The following PSMG2 variants were observed in gnomAD, a reference collection of about 807,000 sequenced individuals.
The protein encoded by PSMG2 is CD40 ligand-activated specific transcript 3.
In PSMG2, 21 loss-of-function variants were observed where a neutral mutation model predicts 31.5. That is an observed-to-expected ratio of 0.67 (90% CI 0.47 to 0.96). PSMG2 has a LOEUF of 0.96. Ranked by LOEUF, PSMG2 falls within the 40% of genes least tolerant of loss-of-function variation. The pLI is 0.00. For synonymous variants in PSMG2, 120 were observed against 110.4 expected (o/e 1.09, Z -0.54); for missense variants, 318 against 321.2 (o/e 0.99, Z 0.08).
chr18:12,705,564 AGAGAGAGAGAGAGT>A (rs1568039654), intron 1 of PSMG2, among the ~76,000 whole-genome samples: 1 of 127,020 alleles, frequency 7.9e-6, no homozygotes. Flanking sequence ...AGAGAGAGAG[AGAGAGAGAGAGAGT>A]GTGTGTGTGT....
At chr18:12,681,996 T>TAA (rs1163314226) in intron 1 of PSMG2, among the ~76,000 whole-genome samples, 1 of 136,208 alleles carries the variant, frequency 7.3e-6, no homozygotes, top group South Asian at 2.3e-4. Flanking sequence ...ACTCTGTCTC[T>TAA]AAAAAAAAAA....
At chr18:12,711,116 A>C (rs117195062) in intron 2 of PSMG2, among the ~76,000 whole-genome samples, 540 of 152,132 alleles carry the variant, frequency 3.5e-3, no homozygotes, top group Non-Finnish European at 6.4e-3. Context: ...CAAACAAAAA[A>C]CAAAAATTAG....
At chr18:12,666,454 T>G (rs1351984486) in intron 1 of PSMG2, among the ~76,000 whole-genome samples, 122 of 150,122 alleles carry the variant, frequency 8.1e-4, no homozygotes, top group African/African-American at 2.8e-3. Flanking sequence ...TTTTTTTTTT[T>G]TGTGAGGTAG....
chr18:12,673,908 C>T (rs1220006370), intron 1 of PSMG2, among the ~76,000 whole-genome samples: 2 of 151,892 alleles, frequency 1.3e-5, no homozygotes, highest in African/African-American at 2.4e-5. Context: ...ATAATTTTTT[C>T]AAATTCTGTC....
At chr18:12,666,897 T>C (rs752794406) in intron 1 of PSMG2, among the ~76,000 whole-genome samples, 2 of 152,198 alleles carry the variant, frequency 1.3e-5, no homozygotes, top group Non-Finnish European at 1.5e-5. Flanking sequence ...TCAGTTTTAT[T>C]AATATATTGA....
At chr18:12,669,457 A>C (rs532537224) in intron 1 of PSMG2, among the ~76,000 whole-genome samples, 1 of 151,956 alleles carries the variant, frequency 6.6e-6, no homozygotes. Context: ...TATGTTGACC[A>C]GGCTGTGCTC....
chr18:12,676,010 G>A lies in PSMG2; in HGVS notation c.-37+17237G>A, dbSNP rs114603362. Reference sequence around the variant, plus strand: ...ACACCAAAAGACCTATTGATATCTGGACACATGAAGTTAAAAATAATAATA... The same window carrying A: ...ACACCAAAAGACCTATTGATATCTGAACACATGAAGTTAAAAATAATAATA... On this transcript the variant is annotated intron_variant, in intron 1 of 6. Transcript: ENST00000585331. Among the ~76,000 whole-genome samples, 1,344 of 152,038 alleles carry A rather than the reference G, an allele frequency of 8.8e-3. 27 individuals are homozygous for A. Among genetic ancestry groups the A allele is most frequent in the African/African-American group, 0.03 (1,237 of 41,474 alleles).
Position 12,696,993 on chromosome 18 carries a change from A to G in PSMG2, c.-36-9557A>G, listed in dbSNP as rs140701250. On this transcript the variant is annotated intron_variant, in intron 1 of 6. Transcript: ENST00000585331. ...AAAATTCCTGTATTCATTTTCCAGA[A>G]AAAAACATTTCTCCTAAGACAAGGT... Among the ~76,000 whole-genome samples, 53 of 152,298 alleles carry G rather than the reference A, an allele frequency of 3.5e-4. 1 individual carries two copies. The East Asian group carries it at 6.9e-3, about 20-fold the overall frequency.
intron 1 of PSMG2, among the ~76,000 whole-genome samples, chr18:12,687,528 G>A (rs189876074): frequency 4.7e-5 from 7 of 148,706 alleles, no homozygotes; most frequent in South Asian, 2.1e-4. Flanking sequence ...ATTTCGGCTC[G>A]CTGCAACCTC....
chr18:12,688,263 T>C (rs778078497), intron 1 of PSMG2, among the ~76,000 whole-genome samples: 26 of 150,736 alleles, frequency 1.7e-4, no homozygotes, highest in Non-Finnish European at 3.4e-4. Context: ...CCTAGTGGCC[T>C]TAAAGTTCAA....
At chr18:12,702,014 C>T (rs2145121792), upstream of PSMG2, among the ~76,000 whole-genome samples, 1 of 152,272 alleles carries the variant, frequency 6.6e-6, no homozygotes, top group Non-Finnish European at 1.5e-5. Flanking sequence ...GTAATCCCAG[C>T]TACTCGGGAG....
chr18:12,698,309 C>T (rs2040032284), upstream of PSMG2, among the ~76,000 whole-genome samples: 1 of 151,824 alleles, frequency 6.6e-6, no homozygotes, highest in African/African-American at 2.4e-5. Flanking sequence ...GCTCATTACA[C>T]GCGCCTGCCA....
At chr18:12,669,798 T>C (rs889757553) in intron 1 of PSMG2, among the ~76,000 whole-genome samples, 2 of 149,926 alleles carry the variant, frequency 1.3e-5, no homozygotes. Flanking sequence ...GTCGGGAGTT[T>C]GAGACCCTCC....
chr18:12,699,960 G>A (rs988927176), upstream of PSMG2: 2 of 1,206,236 alleles, frequency 1.7e-6, no homozygotes, highest in African/African-American at 1.6e-5. Context: ...TATAGGTTAA[G>A]GAAATGTCAA....
In PSMG2 at chr18:12,683,562, C is replaced by A. The variant is rs182099261; in HGVS notation, c.-36-22988C>A. 4.6e-3 allele frequency among the ~76,000 whole-genome samples: 703 copies of A among 151,916 alleles called. 5 individuals are homozygous for A. The highest frequency in any genetic ancestry group is 9.4e-3 in the South Asian group (45 of 4,800). ...CGTCAGGAGTTCGAGACCAGCCTAG[C>A]CAACACAGTGAAACCCCATCTCTAC... is the stretch of plus-strand genomic sequence containing the variant. On this transcript the variant is annotated intron_variant, in intron 1 of 6. Transcript: ENST00000585331.
At chr18:12,668,972 C>T (rs1420809757) in intron 1 of PSMG2, among the ~76,000 whole-genome samples, 2 of 148,972 alleles carry the variant, frequency 1.3e-5, no homozygotes, top group Non-Finnish European at 3.0e-5. Context: ...AACTCCTGAT[C>T]CAGGTGATCT....
At chr18:12,687,235 C>A (rs575941823) in intron 1 of PSMG2, among the ~76,000 whole-genome samples, 32 of 152,240 alleles carry the variant, frequency 2.1e-4, no homozygotes, top group Non-Finnish European at 4.1e-4. Flanking sequence ...TCTAACCCAG[C>A]CAAAAGAAAC....
At position 12,718,062 on chromosome 18, in the gene PSMG2, G is replaced by A. The variant is rs1487135473; in HGVS notation, c.289-455G>A. 6.1e-5 allele frequency among the ~76,000 whole-genome samples: 9 copies of A among 147,082 alleles called. No homozygotes were observed. The Admixed American group carries it at 6.2e-4, about 10-fold the overall frequency. On this transcript the variant is annotated intron_variant, in intron 3 of 6. Coordinates refer to ENST00000317615, the MANE Select transcript of PSMG2 (RefSeq NM_020232.5). ...TTCACTCGGTTCCCCCGGCTGGAGTGCAATGGCACAATCTCGGTTCACTGC... is the reference window on the plus strand; with the variant it reads ...TTCACTCGGTTCCCCCGGCTGGAGTACAATGGCACAATCTCGGTTCACTGC...
At chr18:12,706,800 G>A (rs1379350961) in intron 2 of PSMG2, 79 bp downstream of exon 2, 1 of 1,422,828 alleles carries the variant, frequency 7.0e-7, no homozygotes, top group Non-Finnish European at 9.4e-7. Flanking sequence ...ATTGATAATT[G>A]TTTTGTAGCA....
Sources: allele counts gnomAD v4.1 joint callset (sites outside exome capture counted in the v4.1 genomes callset), GRCh38; gene constraint gnomAD v4.1.1; transcripts MANE v1.5; gene names NCBI Gene and HGNC (gene_info 2026-07-23, HGNC 2026-07-21).